UGDH: variants seen among roughly 807,000 people sequenced by gnomAD.
The protein encoded by UGDH is UDP-Glc dehydrogenase.
In UGDH, 38 loss-of-function variants were observed where a neutral mutation model predicts 50.6. The ratio of observed to expected loss-of-function variants is 0.75; its 90% CI spans 0.58 to 0.98. The LOEUF (loss-of-function observed/expected upper bound fraction) is 0.98. UGDH is among the 50% of genes least tolerant of loss of function. UGDH has a pLI of 0.00. For missense variants in UGDH, 465 were observed against 606.2 expected (o/e 0.77, Z 2.45); for synonymous variants, 168 against 199.9 (o/e 0.84, Z 1.35).
At position 39,510,418 on chromosome 4, in the gene UGDH, C is replaced by T; in HGVS notation, c.598G>A (p.Glu200Lys). Residue 200 changes from glutamate (E) to lysine (K), a missense_variant, in exon 5 of 12, where the codon GAG becomes AAG. Physicochemically the swap from Glu to Lys is moderately conservative, Grantham distance 56. Transcript: ENST00000316423. The stretch of plus-strand genomic sequence containing the variant: ...ATCTTTTCTCTGGGAACCCAGTGCT[C>T]ATATACAGCACACAGGGCCTGCACA... ...RAVQALCAVY[E>K]HWVPREKILT... 6.2e-7 allele frequency: 1 copy of T among 1,614,182 alleles called. No homozygotes were observed. The highest frequency in any genetic ancestry group is 8.5e-7 in the Non-Finnish European group (1 of 1,180,042).
Position 39,508,620 on chromosome 4 carries a change from C to A in UGDH, c.852G>T (p.Leu284Phe). 2 of 1,606,626 alleles carry A rather than the reference C, an allele frequency of 1.2e-6. No homozygotes were observed. The highest frequency in any genetic ancestry group is 1.7e-6 in the Non-Finnish European group (2 of 1,177,902). The change falls in exon 7 of 12, where the codon TTG becomes TTT. Residue 284 changes from leucine to phenylalanine, a missense_variant. Physicochemically the swap from Leu to Phe is conservative, Grantham distance 22 (BLOSUM62 0). Coordinates refer to ENST00000316423, the MANE Select transcript of UGDH (RefSeq NM_003359.4). Reference protein sequence around the residue: ...GSCFQKDVLNLVYLCEALNLP... With the variant: ...GSCFQKDVLNFVYLCEALNLP... ...AATTCAGAGCCTCACAGAGATAAAC[C>A]AAATTCAGAACATCCTTTTGGAAAC...
intron 11 of UGDH, among the ~76,000 whole-genome samples, chr4:39,500,954 G>A (rs895314233): frequency 7.0e-6 from 1 of 141,986 alleles, no homozygotes; most frequent in African/African-American, 2.6e-5. Context: ...GTGCCCGAAT[G>A]GTAACAGCAT....
intron 3 of UGDH, among the ~76,000 whole-genome samples, chr4:39,512,160 AC>A (rs375378522): frequency 1.6e-4 from 24 of 152,312 alleles, no homozygotes; most frequent in Middle Eastern, 3.4e-3. Flanking sequence ...CTAAAAACTA[AC>A]ACATGAATGT....
At chr4:39,520,468 A>G (rs966243431) in intron 2 of UGDH, among the ~76,000 whole-genome samples, 4 of 151,216 alleles carry the variant, frequency 2.6e-5, no homozygotes, top group Admixed American at 6.6e-5. Context: ...AATATGATGA[A>G]CTCATTTTAC....
At chr4:39,509,723 C>A in intron 6 of UGDH, 37 bp downstream of exon 6, 1 of 1,589,546 alleles carries the variant, frequency 6.3e-7, no homozygotes, top group South Asian at 1.2e-5. Context: ...AGTAAATAAA[C>A]ACTAGCTCTT....
rs1445282995 is a variant in UGDH, at chr4:39,500,173, T to C, written c.1455A>G (p.Gln485=). Reference sequence around the variant, plus strand: ...CTTTAGGTTTCTTGTTAGGTGGATCTTGAAGACTAAACTTCGGAATTTCAC... The same window carrying C: ...CTTTAGGTTTCTTGTTAGGTGGATCCTGAAGACTAAACTTCGGAATTTCAC... ...PSGEIPKFSL[Q]DPPNKKPKV Residue 485 remains glutamine (Q), a synonymous_variant, in exon 12 of 12, where the codon CAA becomes CAG. Coordinates refer to ENST00000316423, the MANE Select transcript of UGDH (RefSeq NM_003359.4). 6.2e-7 allele frequency: 1 copy of C among 1,601,604 alleles called. No homozygotes were observed. The highest frequency in any genetic ancestry group is 8.5e-7 in the Non-Finnish European group (1 of 1,172,770).
In UGDH at chr4:39,510,692, T is replaced by A. The variant is rs1450410640; in HGVS notation, c.434A>T (p.Asp145Val). The A allele has an allele frequency of 6.2e-7, 1 of 1,614,254 alleles. No homozygotes were observed. Among genetic ancestry groups the A allele is most frequent in the Non-Finnish European group, 8.5e-7 (1 of 1,180,046 alleles). The stretch of plus-strand genomic sequence containing the variant: ...ATTCAAGTTGGGTTTTGTGTTTGCA[T>A]CAAATATGCGACGGATACTTTCTGC... ...RAAESIRRIF[D>V]ANTKPNLNLQ... Residue 145 changes from aspartate to valine, a missense_variant, in exon 4 of 12, where the codon GAT becomes GTT. By Grantham distance (152) the Asp-to-Val change is radical. Coordinates refer to ENST00000316423, the MANE Select transcript of UGDH (RefSeq NM_003359.4).
At chr4:39,520,890 A>G (rs1746625953) in intron 2 of UGDH, among the ~76,000 whole-genome samples, 1 of 151,904 alleles carries the variant, frequency 6.6e-6, no homozygotes, top group East Asian at 1.9e-4. Flanking sequence ...CCTGGCCAAC[A>G]TGGTGAAACC....
At chr4:39,506,394 G>A (rs546621591) in intron 7 of UGDH, among the ~76,000 whole-genome samples, 10 of 152,120 alleles carry the variant, frequency 6.6e-5, no homozygotes, top group Non-Finnish European at 1.3e-4. Context: ...AAGGCACATA[G>A]GAAACCATAC....
At position 39,500,163 on chromosome 4, in the gene UGDH, T is replaced by G; in HGVS notation, c.1465A>C (p.Asn489His). ...AATCTCTACACTTTAGGTTTCTTGTTAGGTGGATCTTGAAGACTAAACTTC... is the reference window on the plus strand; with the variant it reads ...AATCTCTACACTTTAGGTTTCTTGTGAGGTGGATCTTGAAGACTAAACTTC... Reference protein sequence around the residue: ...IPKFSLQDPPNKKPKV With the variant: ...IPKFSLQDPPHKKPKV Residue 489 changes from asparagine (N) to histidine (H), a missense_variant, in exon 12 of 12, where the codon AAC becomes CAC. Asn to His is a moderately conservative substitution (Grantham distance 68). Coordinates refer to ENST00000316423, the MANE Select transcript of UGDH (RefSeq NM_003359.4). 1 of 1,593,712 alleles carries G rather than the reference T, an allele frequency of 6.3e-7. No homozygotes were observed. The highest frequency in any genetic ancestry group is 8.6e-7 in the Non-Finnish European group (1 of 1,168,402).
chr4:39,509,981 T>C (rs1746176078), intron 5 of UGDH, 74 bp from the exon 6 acceptor site: 1 of 1,474,644 alleles, frequency 6.8e-7, no homozygotes, highest in Non-Finnish European at 9.0e-7. Flanking sequence ...TTATATTTCA[T>C]TGCGTTGACG....
intron 5 of UGDH, 36 bp from the exon 6 acceptor site, chr4:39,509,943 G>C: frequency 6.4e-7 from 1 of 1,558,070 alleles, no homozygotes; most frequent in Non-Finnish European, 8.6e-7. Context: ...AGTAAGATAA[G>C]CTAAAACAGC....
At chr4:39,524,243 A>T (rs977085928) in intron 1 of UGDH, among the ~76,000 whole-genome samples, 1 of 152,186 alleles carries the variant, frequency 6.6e-6, no homozygotes, top group African/African-American at 2.4e-5. Flanking sequence ...TAAATGTAGA[A>T]TCAGTGTCTA....
intron 1 of UGDH, among the ~76,000 whole-genome samples, chr4:39,525,512 C>CTTTTTCT (rs1746843716): frequency 1.4e-5 from 2 of 142,346 alleles, no homozygotes; most frequent in South Asian, 2.2e-4. Context: ...TTTTCTTTTT[C>CTTTTTCT]TTTTTTTTTT....
intron 6 of UGDH, among the ~76,000 whole-genome samples, chr4:39,508,924 T>C (rs1746127903): frequency 6.8e-6 from 1 of 147,800 alleles, no homozygotes; most frequent in Admixed American, 6.9e-5. Flanking sequence ...ATCTCCTTTT[T>C]TTTCTCATTC....
intron 11 of UGDH, 124 bp downstream of exon 11, chr4:39,503,751 A>C (rs1413632796): frequency 1.3e-6 from 1 of 762,524 alleles, no homozygotes; most frequent in African/African-American, 1.8e-5. Flanking sequence ...TAATTAGCCA[A>C]ACATATTCTG....
At chr4:39,505,461 C>G in intron 8 of UGDH, 91 bp from the exon 9 acceptor site, 1 of 1,235,234 alleles carries the variant, frequency 8.1e-7, no homozygotes, top group Non-Finnish European at 1.1e-6. Flanking sequence ...AATTATATTT[C>G]TGAAGCTGGT....
intron 7 of UGDH, among the ~76,000 whole-genome samples, chr4:39,508,186 C>T (rs530383840): frequency 6.6e-6 from 1 of 152,228 alleles, no homozygotes; most frequent in South Asian, 2.1e-4. Context: ...CAAAAAGTGA[C>T]ATGCTTAATG....
intron 11 of UGDH, among the ~76,000 whole-genome samples, chr4:39,500,745 C>T (rs1745772465): frequency 6.7e-6 from 1 of 149,988 alleles, no homozygotes; most frequent in East Asian, 1.9e-4. Context: ...CAACCTCCGT[C>T]TCCTAGGTTC....
Sources: allele counts gnomAD v4.1 joint callset (sites outside exome capture counted in the v4.1 genomes callset), GRCh38; gene constraint gnomAD v4.1.1; transcripts MANE v1.5; gene names NCBI Gene and HGNC (gene_info 2026-07-23, HGNC 2026-07-21).